ZNF521: variants seen among roughly 807,000 people sequenced by gnomAD.
ZNF521 encodes zinc finger protein 521.
A neutral mutation model predicts 105.5 loss-of-function variants in ZNF521; 14 were observed. That is an observed-to-expected ratio of 0.13 (90% CI 0.09 to 0.21). The LOEUF (loss-of-function observed/expected upper bound fraction) is 0.21, where lower values mean the gene tolerates loss of function less well. Ranked by LOEUF, ZNF521 falls within the 10% of genes least tolerant of loss-of-function variation. The probability of loss-of-function intolerance (pLI) is 1.00; values close to 1 mark genes in which losing one functional copy is unlikely to be tolerated. For missense variants in ZNF521, 1,233 were observed against 1,629.7 expected, an observed-to-expected ratio of 0.76 and a Z score of 4.19; for synonymous variants, 635 against 606.0, an observed-to-expected ratio of 1.05 and a Z score of -0.70.
intron 2 of ZNF521, 59 bp downstream of exon 2, chr18:25,350,848 G>C: frequency 6.5e-7 from 1 of 1,529,382 alleles, no homozygotes; most frequent in South Asian, 1.2e-5. Context: ...CCCTCGCTCC[G>C]CTACCCACAG....
chr18:25,351,416 ATTTT>A, intron 1 of ZNF521: 1 of 144,648 alleles, frequency 6.9e-6, no homozygotes, highest in African/African-American at 2.6e-5. Context: ...CGTCTGGGTG[ATTTT>A]TTTTTTCTTT....
intron 3 of ZNF521, among the ~76,000 whole-genome samples, chr18:25,274,063 A>T (rs1909875736): frequency 6.6e-6 from 1 of 152,174 alleles, no homozygotes; most frequent in Non-Finnish European, 1.5e-5. Flanking sequence ...ACCTCTCCTT[A>T]TCAGCTGTAT....
intron 3 of ZNF521, among the ~76,000 whole-genome samples, chr18:25,301,449 A>T (rs953688888): frequency 4.6e-5 from 7 of 152,178 alleles, no homozygotes; most frequent in African/African-American, 1.2e-4. Flanking sequence ...AAAGTTTTTT[A>T]AAAAAGAGAC....
intron 3 of ZNF521, among the ~76,000 whole-genome samples, chr18:25,308,092 C>T (rs1218512861): frequency 6.7e-6 from 1 of 150,100 alleles, no homozygotes; most frequent in Non-Finnish European, 1.5e-5. Flanking sequence ...ATCCCAGCTA[C>T]TCAGGAAGCT....
intron 7 of ZNF521, among the ~76,000 whole-genome samples, chr18:25,088,071 A>G (rs1236050514): frequency 6.6e-6 from 1 of 152,166 alleles, no homozygotes; most frequent in Non-Finnish European, 1.5e-5. Flanking sequence ...CCAGTCCCTC[A>G]GTCTTGCCTC....
chr18:25,113,853 ACTCT>A (rs1224741301), intron 5 of ZNF521, among the ~76,000 whole-genome samples: 1 of 151,290 alleles, frequency 6.6e-6, no homozygotes, highest in Non-Finnish European at 1.5e-5. Context: ...TGACATACTC[ACTCT>A]ATCACTGGAC....
intron 3 of ZNF521, among the ~76,000 whole-genome samples, chr18:25,316,727 A>T (rs917376580): frequency 6.6e-6 from 1 of 151,722 alleles, no homozygotes; most frequent in Non-Finnish European, 1.5e-5. Context: ...CTCCACTTAC[A>T]CTTTGCCTCC....
At chr18:25,245,738 C>T (rs933290729) in intron 3 of ZNF521, among the ~76,000 whole-genome samples, 1 of 152,112 alleles carries the variant, frequency 6.6e-6, no homozygotes, top group Non-Finnish European at 1.5e-5. Flanking sequence ...CTCTGCTGGG[C>T]GTGGTGGCTC....
intron 3 of ZNF521, among the ~76,000 whole-genome samples, chr18:25,266,101 A>T (rs190983747): frequency 6.6e-6 from 1 of 152,350 alleles, no homozygotes; most frequent in East Asian, 1.9e-4. Flanking sequence ...CATAGAATGA[A>T]TGAATAAGAC....
At chr18:25,274,440 A>C (rs1365210662) in intron 3 of ZNF521, among the ~76,000 whole-genome samples, 1 of 152,176 alleles carries the variant, frequency 6.6e-6, no homozygotes, top group Non-Finnish European at 1.5e-5. Flanking sequence ...AAATACATAA[A>C]ATGCAGACTA....
At chr18:25,115,629 T>G (rs2034286844) in intron 5 of ZNF521, among the ~76,000 whole-genome samples, 1 of 152,220 alleles carries the variant, frequency 6.6e-6, no homozygotes, top group African/African-American at 2.4e-5. Context: ...ATGCTTCCCA[T>G]TCTCATATCA....
intron 4 of ZNF521, among the ~76,000 whole-genome samples, chr18:25,198,209 T>C (rs917231770): frequency 6.6e-6 from 1 of 151,880 alleles, no homozygotes; most frequent in Non-Finnish European, 1.5e-5. Flanking sequence ...TTTCTGATAC[T>C]GATAGATGTA....
chr18:25,125,811 T>TC (rs1193549791), intron 5 of ZNF521, among the ~76,000 whole-genome samples: 1 of 151,982 alleles, frequency 6.6e-6, no homozygotes, highest in Non-Finnish European at 1.5e-5. Context: ...TTGCTTGCTA[T>TC]CCAGTAGTGG....
intron 3 of ZNF521, among the ~76,000 whole-genome samples, chr18:25,239,038 A>G (rs1600197108): frequency 6.6e-6 from 1 of 152,238 alleles, no homozygotes; most frequent in East Asian, 1.9e-4. Flanking sequence ...CTGTAATGGA[A>G]CATCATTGAT....
At chr18:25,190,927 T>C (rs976914683) in intron 5 of ZNF521, among the ~76,000 whole-genome samples, 76 of 152,214 alleles carry the variant, frequency 5.0e-4, no homozygotes, top group African/African-American at 1.8e-3. Flanking sequence ...GAGTATTTAT[T>C]AGAGATATAA....
chr18:25,081,031 C>A (rs529226582), intron 7 of ZNF521, among the ~76,000 whole-genome samples: 1 of 149,674 alleles, frequency 6.7e-6, no homozygotes, highest in African/African-American at 2.5e-5. Flanking sequence ...GCAGATCTTC[C>A]GGTGCTATGG....
At chr18:25,257,312 T>C (rs1428939785) in intron 3 of ZNF521, among the ~76,000 whole-genome samples, 2 of 152,196 alleles carry the variant, frequency 1.3e-5, no homozygotes, top group African/African-American at 2.4e-5. Flanking sequence ...TGATGGGCTA[T>C]TAAGTTTAAT....
intron 5 of ZNF521, among the ~76,000 whole-genome samples, chr18:25,113,923 A>C (rs577138598): frequency 3.9e-5 from 6 of 152,298 alleles, no homozygotes; most frequent in African/African-American, 1.2e-4. Flanking sequence ...AAAAGATGAG[A>C]TGATAACTTT....
At chr18:25,149,031 G>A (rs1466602854) in intron 5 of ZNF521, among the ~76,000 whole-genome samples, 1 of 122,650 alleles carries the variant, frequency 8.2e-6, no homozygotes, top group African/African-American at 3.0e-5. Context: ...AATTTGAAAG[G>A]ACTTTTCTTT....
Sources: gnomAD v4.1 joint callset for allele counts (sites outside exome capture counted in the v4.1 genomes callset) on GRCh38, gnomAD v4.1.1 for gene constraint, MANE v1.5 for transcripts, NCBI Gene and HGNC (gene_info 2026-07-23, HGNC 2026-07-21) for gene names.